CSMD1: variants seen among roughly 807,000 people sequenced by gnomAD.
The protein encoded by CSMD1 is CUB and Sushi multiple domains 1.
In CSMD1, 213 loss-of-function variants were observed where a neutral mutation model predicts 417.5. The observed-to-expected ratio is 0.51, with a 90% CI of 0.46 to 0.57. The LOEUF is 0.57. Among genes scored for constraint, CSMD1 ranks in the 20% least tolerant of loss-of-function variants. CSMD1 has a pLI of 0.00. For missense variants in CSMD1, 6,923 were observed against 4,529.7 expected (o/e 1.53, Z -15.17); for synonymous variants, 2,862 against 1,736.8 (o/e 1.65, Z -16.11).
intron 1 of CSMD1, among the ~76,000 whole-genome samples, chr8:4,914,917 G>C (rs750581132): frequency 6.6e-6 from 1 of 152,064 alleles, no homozygotes; most frequent in Non-Finnish European, 1.5e-5. Flanking sequence ...CAGAAAACAG[G>C]AACAGAACAT....
chr8:3,337,039 G>A (rs1024103742), intron 23 of CSMD1, among the ~76,000 whole-genome samples: 1 of 152,088 alleles, frequency 6.6e-6, no homozygotes, highest in East Asian at 1.9e-4. Context: ...AACTTTCTGG[G>A]GAGGCTGGAG....
At chr8:3,678,616 G>A (rs1312050825) in intron 7 of CSMD1, among the ~76,000 whole-genome samples, 3 of 152,158 alleles carry the variant, frequency 2.0e-5, no homozygotes, top group Non-Finnish European at 4.4e-5. Flanking sequence ...ACACTCTGCA[G>A]GACATTATCA....
intron 3 of CSMD1, among the ~76,000 whole-genome samples, chr8:4,259,825 C>G (rs567375692): frequency 2.0e-5 from 3 of 152,140 alleles, no homozygotes; most frequent in Non-Finnish European, 2.9e-5. Flanking sequence ...TGGCACATTA[C>G]TCATAATATT....
rs181657347 is a variant in CSMD1, at chr8:3,779,412, C to T, written c.819-25370G>A. Among the ~76,000 whole-genome samples the T allele has an allele frequency of 5.6e-4, 85 of 152,122 alleles. 1 individual carries two copies. The highest frequency in any genetic ancestry group is 5.8e-4 in the East Asian group (3 of 5,170). ...GAAACCCTGTAATCGATGAGCACTACGTAGGAGCATCAAGAAAGATCGTTT... is the reference window on the plus strand; with the variant it reads ...GAAACCCTGTAATCGATGAGCACTATGTAGGAGCATCAAGAAAGATCGTTT... On this transcript the variant is annotated intron_variant, in intron 5 of 69. Coordinates refer to ENST00000635120, the MANE Select transcript of CSMD1 (RefSeq NM_033225.6).
At chr8:4,195,918 TA>T (rs1219102024) in intron 3 of CSMD1, among the ~76,000 whole-genome samples, 3 of 151,318 alleles carry the variant, frequency 2.0e-5, no homozygotes, top group African/African-American at 7.3e-5. Flanking sequence ...AACTATGAGA[TA>T]AAAAATGCCA....
At chr8:4,455,486 G>C (rs73660858) in intron 2 of CSMD1, among the ~76,000 whole-genome samples, 8,548 of 152,190 alleles carry the variant, frequency 0.056, 641 homozygotes, top group African/African-American at 0.17. Flanking sequence ...TCTAAGAATA[G>C]AGGAAGCTGG....
At chr8:3,130,330 G>A (rs1023799051) in intron 41 of CSMD1, among the ~76,000 whole-genome samples, 2 of 152,014 alleles carry the variant, frequency 1.3e-5, no homozygotes, top group Admixed American at 6.6e-5. Context: ...CAAATTGTAC[G>A]TCGTGCATAC....
At chr8:4,863,474 C>G (rs1241953879) in intron 1 of CSMD1, among the ~76,000 whole-genome samples, 1 of 152,070 alleles carries the variant, frequency 6.6e-6, no homozygotes, top group African/African-American at 2.4e-5. Flanking sequence ...AAATTTTATA[C>G]ATATTCTAGT....
chr8:2,996,712 AGT>A (rs531787787), intron 54 of CSMD1, among the ~76,000 whole-genome samples: 79 of 152,374 alleles, frequency 5.2e-4, no homozygotes, highest in Non-Finnish European at 7.9e-4. Context: ...AGAACACAGC[AGT>A]GTTTTGCATC....
chr8:3,540,026 T>C (rs1798371641), intron 10 of CSMD1, among the ~76,000 whole-genome samples: 1 of 152,226 alleles, frequency 6.6e-6, no homozygotes, highest in Non-Finnish European at 1.5e-5. Flanking sequence ...GCTGCTTCTG[T>C]TGTGTCTGCT....
At chr8:4,684,514 A>G (rs539183503) in intron 1 of CSMD1, among the ~76,000 whole-genome samples, 1 of 152,126 alleles carries the variant, frequency 6.6e-6, no homozygotes, top group Non-Finnish European at 1.5e-5. Flanking sequence ...CTTTCAAATA[A>G]ATCTCTGTTT....
intron 2 of CSMD1, among the ~76,000 whole-genome samples, chr8:4,506,061 C>G (rs972587939): frequency 2.0e-5 from 3 of 152,054 alleles, no homozygotes; most frequent in African/African-American, 7.2e-5. Context: ...ACATGTAAAG[C>G]AATCAAAAGC....
At chr8:3,176,195 T>A (rs552713658) in intron 37 of CSMD1, among the ~76,000 whole-genome samples, 36 of 152,294 alleles carry the variant, frequency 2.4e-4, no homozygotes, top group African/African-American at 8.4e-4. Context: ...CAAGTATTAT[T>A]ATATATTAAA....
At chr8:3,222,001 A>C (rs151024953) in intron 28 of CSMD1, among the ~76,000 whole-genome samples, 1,594 of 152,086 alleles carry the variant, frequency 0.01, 88 homozygotes, top group Admixed American at 0.09. Flanking sequence ...GGACATCCTC[A>C]TCCCCTAACA....
chr8:3,066,626 A>G (rs1812953365), intron 49 of CSMD1, among the ~76,000 whole-genome samples: 1 of 152,350 alleles, frequency 6.6e-6, no homozygotes. Context: ...GCTTTAGTAA[A>G]ACAATAATCA....
chr8:3,248,652 A>G (rs1800056516), intron 26 of CSMD1, among the ~76,000 whole-genome samples: 1 of 145,328 alleles, frequency 6.9e-6, no homozygotes, highest in African/African-American at 2.5e-5. Flanking sequence ...CTTTTTACTC[A>G]TGTCAGCAAT....
rs71205453 is a variant in CSMD1 at position 4,388,321 on chromosome 8, G to GAC, written c.415+31630_415+31631dup. Among the ~76,000 whole-genome samples, 262 of 95,582 alleles carry GAC rather than the reference G, an allele frequency of 2.7e-3. 1 individual carries two copies. Among genetic ancestry groups the GAC allele is most frequent in the East Asian group, 7.5e-3 (27 of 3,608 alleles). The allele number at this position is 95,582 out of a possible 152,430, so 62.7% of individuals were successfully genotyped here. On this transcript the variant is annotated intron_variant, in intron 3 of 69. Transcript: ENST00000635120. ...ACTGTGATACACACACACACACACA[G>GAC]ACACACACACACACACACACACACG...
intron 10 of CSMD1, among the ~76,000 whole-genome samples, chr8:3,505,729 C>T (rs73176921): frequency 4.6e-5 from 7 of 152,204 alleles, no homozygotes; most frequent in East Asian, 1.9e-4. Context: ...GAAGGGAAAA[C>T]GATGTTCTGC....
chr8:3,225,958 C>T (rs929870629), intron 27 of CSMD1, among the ~76,000 whole-genome samples: 1 of 152,172 alleles, frequency 6.6e-6, no homozygotes, highest in African/African-American at 2.4e-5. Context: ...CTTTTCGACC[C>T]ACCAACCCTT....
Sources: allele counts gnomAD v4.1 joint callset (sites outside exome capture counted in the v4.1 genomes callset), GRCh38; gene constraint gnomAD v4.1.1; transcripts MANE v1.5; gene names NCBI Gene and HGNC (gene_info 2026-07-23, HGNC 2026-07-21).